CSMD2: variants seen among roughly 807,000 people sequenced by gnomAD.
CSMD2 encodes the protein CUB and sushi domain-containing protein 2.
In CSMD2, 130 loss-of-function variants were observed where a neutral mutation model predicts 398.5. The observed-to-expected ratio is 0.33, with a 90% CI of 0.28 to 0.38. The LOEUF (loss-of-function observed/expected upper bound fraction) is 0.38. Among genes scored for constraint, CSMD2 ranks in the 10% least tolerant of loss-of-function variants. The pLI is 1.00. For missense variants in CSMD2, 3,829 were observed against 4,764.9 expected (o/e 0.80, Z 5.78); for synonymous variants, 1,828 against 1,908.5 (o/e 0.96, Z 1.10).
Position 33,617,568 on chromosome 1 carries a change from C to T in CSMD2, c.5877G>A (p.Val1959=). 2 of 1,614,188 alleles carry T rather than the reference C, an allele frequency of 1.2e-6. No individual in the cohort carries two copies. Among genetic ancestry groups the T allele is most frequent in the Non-Finnish European group, 1.7e-6 (2 of 1,180,038 alleles). Residue 1959 remains valine (V), a synonymous_variant, in exon 38 of 71, where the codon GTG becomes GTA. Coordinates refer to ENST00000373381, the MANE Select transcript of CSMD2 (RefSeq NM_001281956.2). ...TCACCAAGTAGCGCTCGCCAGTCTT[C>T]ACCCCGTTACTGGGCACAGCAGGTT... ...CPEPAVPSNG[V]KTGERYLVND...
chr1:33,778,647 A>T (rs1432404464), intron 12 of CSMD2, among the ~76,000 whole-genome samples: 1 of 152,214 alleles, frequency 6.6e-6, no homozygotes. Flanking sequence ...ACCGTGCCAA[A>T]TGCCACACTA....
chr1:33,542,581 C>G (rs893286041), intron 58 of CSMD2, 139 bp downstream of exon 58: 2 of 683,676 alleles, frequency 2.9e-6, no homozygotes, highest in Non-Finnish European at 4.8e-6. Flanking sequence ...TCAACAGAGG[C>G]TATTCATATG....
At chr1:34,126,269 T>A (rs1383006051) in intron 1 of CSMD2, among the ~76,000 whole-genome samples, 1 of 152,188 alleles carries the variant, frequency 6.6e-6, no homozygotes, top group Non-Finnish European at 1.5e-5. Flanking sequence ...CAGCTCCCAA[T>A]CCATTCCCTA....
At chr1:34,128,273 C>T (rs1662952399) in intron 1 of CSMD2, among the ~76,000 whole-genome samples, 1 of 152,182 alleles carries the variant, frequency 6.6e-6, no homozygotes, top group Non-Finnish European at 1.5e-5. Context: ...CTCCCCAGAG[C>T]ACCTGAAGGA....
At chr1:33,885,952 T>C (rs943540751) in intron 5 of CSMD2, among the ~76,000 whole-genome samples, 4 of 152,028 alleles carry the variant, frequency 2.6e-5, no homozygotes, top group African/African-American at 7.2e-5. Context: ...GGAATGAAAA[T>C]AATACCAGCC....
chr1:33,548,250 C>T (rs933954308), intron 56 of CSMD2, among the ~76,000 whole-genome samples: 1 of 152,156 alleles, frequency 6.6e-6, no homozygotes, highest in Non-Finnish European at 1.5e-5. Context: ...GGTGTTCAGT[C>T]CTAGGGGCTT....
At chr1:34,061,117 T>C (rs956630027) in intron 2 of CSMD2, among the ~76,000 whole-genome samples, 1 of 152,072 alleles carries the variant, frequency 6.6e-6, no homozygotes, top group African/African-American at 2.4e-5. Context: ...TCTGAGAACA[T>C]TTTTCTTCTC....
intron 64 of CSMD2, among the ~76,000 whole-genome samples, chr1:33,529,235 G>C (rs1655041325): frequency 6.6e-6 from 1 of 152,092 alleles, no homozygotes; most frequent in Non-Finnish European, 1.5e-5. Context: ...CCAAATCCTG[G>C]GCTCAAGTGA....
intron 3 of CSMD2, among the ~76,000 whole-genome samples, chr1:33,999,450 A>G (rs1351055736): frequency 1.3e-5 from 2 of 152,142 alleles, no homozygotes; most frequent in Non-Finnish European, 2.9e-5. Context: ...GAAGTGCAGT[A>G]GCGAGATCAT....
chr1:34,011,422 T>C (rs1205739848), intron 3 of CSMD2, among the ~76,000 whole-genome samples: 1 of 152,132 alleles, frequency 6.6e-6, no homozygotes, highest in East Asian at 1.9e-4. Flanking sequence ...CGTTGCAGTG[T>C]TTCCATCAAG....
At chr1:33,782,114 G>A (rs1294934082) in intron 12 of CSMD2, among the ~76,000 whole-genome samples, 1 of 152,136 alleles carries the variant, frequency 6.6e-6, no homozygotes, top group Non-Finnish European at 1.5e-5. Flanking sequence ...GAGTGGAAAT[G>A]ATGGATATGG....
At chr1:33,906,201 T>G (rs1462240058) in intron 5 of CSMD2, among the ~76,000 whole-genome samples, 1 of 152,210 alleles carries the variant, frequency 6.6e-6, no homozygotes, top group Non-Finnish European at 1.5e-5. Flanking sequence ...TTAGGGTTAA[T>G]AAAATTTAAA....
At chr1:33,820,819 T>G (rs1658054497) in intron 7 of CSMD2, among the ~76,000 whole-genome samples, 1 of 151,848 alleles carries the variant, frequency 6.6e-6, no homozygotes, top group South Asian at 2.1e-4. Context: ...AGGCCCTCCA[T>G]GCCAACCACC....
chr1:33,710,553 AGCATG>A (rs1196515690), intron 21 of CSMD2, among the ~76,000 whole-genome samples: 1 of 152,152 alleles, frequency 6.6e-6, no homozygotes, highest in Non-Finnish European at 1.5e-5. Flanking sequence ...GGGAATTTGG[AGCATG>A]CCTTGAATCT....
intron 5 of CSMD2, among the ~76,000 whole-genome samples, chr1:33,872,040 A>G (rs1640508206): frequency 6.6e-6 from 1 of 152,124 alleles, no homozygotes; most frequent in Non-Finnish European, 1.5e-5. Context: ...CAACACTACC[A>G]TATTGGGGAT....
intron 5 of CSMD2, among the ~76,000 whole-genome samples, chr1:33,908,541 G>A (rs1003854940): frequency 2.6e-5 from 4 of 152,260 alleles, no homozygotes; most frequent in Admixed American, 6.5e-5. Flanking sequence ...CCCATGGGGG[G>A]CAGGCCAGCT....
At chr1:34,156,266 G>A (rs1640796152) in intron 1 of CSMD2, among the ~76,000 whole-genome samples, 1 of 152,194 alleles carries the variant, frequency 6.6e-6, no homozygotes. Context: ...GGCAATGGAG[G>A]AAGCAATGAA....
chr1:34,016,461 T>C (rs1648131913), intron 3 of CSMD2, among the ~76,000 whole-genome samples: 2 of 152,152 alleles, frequency 1.3e-5, no homozygotes, highest in South Asian at 4.1e-4. Flanking sequence ...GCTTCATCCA[T>C]GTCCCTGCTA....
rs936900076 is a variant in CSMD2, at chr1:33,929,432, C to CTTTTTTTTTTTTTTTTTTTTTTTT, written c.712+6327_712+6328insAAAAAAAAAAAAAAAAAAAAAAAA. Among the ~76,000 whole-genome samples, 9 of 100,666 alleles carry CTTTTTTTTTTTTTTTTTTTTTTTT rather than the reference C, an allele frequency of 8.9e-5. 1 individual carries two copies. The highest frequency in any genetic ancestry group is 7.7e-3 in the Middle Eastern group (1 of 130). The allele number at this position is 100,666 out of a possible 152,430, so 66.0% of individuals were successfully genotyped here. A position where few individuals can be genotyped will look rare whatever the true frequency, so the allele number is the denominator to read the frequency against. ...TCCTGAACTCAGAACCAAGCCTATA[C>CTTTTTTTTTTTTTTTTTTTTTTTT]TTTTTTTTTTTTTTTTTTTTTTTGA... is the stretch of plus-strand genomic sequence containing the variant. On this transcript the variant is annotated intron_variant, in intron 4 of 70. Coordinates refer to ENST00000373381, the MANE Select transcript of CSMD2 (RefSeq NM_001281956.2).
Sources: allele counts gnomAD v4.1 joint callset (sites outside exome capture counted in the v4.1 genomes callset), GRCh38; gene constraint gnomAD v4.1.1; transcripts MANE v1.5; gene names NCBI Gene and HGNC (gene_info 2026-07-23, HGNC 2026-07-21).